TUBA1C: variants seen among roughly 807,000 people sequenced by gnomAD.
TUBA1C encodes the protein tubulin alpha-1C chain.
In TUBA1C, 16 loss-of-function variants were observed where a neutral mutation model predicts 34.9. The ratio of observed to expected loss-of-function variants is 0.46; its 90% CI spans 0.31 to 0.70. The LOEUF (loss-of-function observed/expected upper bound fraction) is 0.70. TUBA1C is among the 30% of genes least tolerant of loss of function. The pLI is 0.05. For missense variants in TUBA1C, 329 were observed against 587.3 expected (o/e 0.56, Z 4.55); for synonymous variants, 177 against 215.9 (o/e 0.82, Z 1.58).
At chr12:49,260,489 C>A (rs1219759041), upstream of TUBA1C, among the ~76,000 whole-genome samples, 2 of 152,170 alleles carry the variant, frequency 1.3e-5, no homozygotes, top group Non-Finnish European at 1.5e-5. Context: ...TAAGCCCTGC[C>A]AAAGGGGAAG....
intron 1 of TUBA1C, among the ~76,000 whole-genome samples, chr12:49,266,473 C>T (rs1372206168): frequency 6.6e-6 from 1 of 151,978 alleles, no homozygotes; most frequent in Non-Finnish European, 1.5e-5. Flanking sequence ...ACTAGTACCA[C>T]GTGTTCTTAG....
chr12:49,248,438 G>A (rs141784936), intron 1 of TUBA1C, among the ~76,000 whole-genome samples: 2,304 of 144,978 alleles, frequency 0.016, 52 homozygotes, highest in African/African-American at 0.055. Context: ...GCGCGGTGGC[G>A]GCGCCTATAG....
upstream of TUBA1C, among the ~76,000 whole-genome samples, chr12:49,262,091 T>C (rs1240124884): frequency 2.0e-5 from 3 of 152,060 alleles, no homozygotes; most frequent in African/African-American, 7.2e-5. Flanking sequence ...ATTCAAAACC[T>C]GGACCCTGAG....
chr12:49,273,214 G>A lies in TUBA1C; in HGVS notation c.1337G>A (p.Gly446Asp), dbSNP rs1021425840. The stretch of plus-strand genomic sequence containing the variant: ...GATAGTGCTGACGGAGAGGATGAGG[G>A]TGAAGAGTATTAACCTGTGTGCTGT... ...GADSADGEDE[G>D]EEY Residue 446 changes from glycine (G) to aspartate (D), a missense_variant, in exon 4 of 4, where the codon GGT becomes GAT. Around this residue, in one of 4 missense-constraint regions of TUBA1C, gnomAD observed 34 missense variants for 31.8 expected, o/e 1.07. Transcript: ENST00000301072. 1 of 1,614,086 alleles carries A rather than the reference G, an allele frequency of 6.2e-7. No homozygotes were observed. The highest frequency in any genetic ancestry group is 8.5e-7 in the Non-Finnish European group (1 of 1,180,050).
intron 1 of TUBA1C, among the ~76,000 whole-genome samples, chr12:49,234,554 C>A (rs1436722582): frequency 1.3e-5 from 2 of 152,208 alleles, no homozygotes; most frequent in African/African-American, 4.8e-5. Context: ...CTCCCACCCG[C>A]GTGGCGCCGC....
intron 1 of TUBA1C, among the ~76,000 whole-genome samples, chr12:49,255,157 G>A (rs547878370): frequency 2.0e-5 from 3 of 151,848 alleles, no homozygotes; most frequent in Non-Finnish European, 4.4e-5. Context: ...ATACAACTAC[G>A]GACCTTGCCA....
At chr12:49,235,649 T>C (rs1473144353) in intron 1 of TUBA1C, among the ~76,000 whole-genome samples, 2 of 151,596 alleles carry the variant, frequency 1.3e-5, no homozygotes, top group Non-Finnish European at 2.9e-5. Flanking sequence ...GCAGAATTGC[T>C]TGAACCTGGC....
chr12:49,230,471 T>C (rs1409127498), intron 1 of TUBA1C, among the ~76,000 whole-genome samples: 1 of 152,142 alleles, frequency 6.6e-6, no homozygotes, highest in African/African-American at 2.4e-5. Context: ...GCATTTACCT[T>C]TTTCTTGAGC....
At chr12:49,270,506 T>C (rs1942976738) in intron 3 of TUBA1C, among the ~76,000 whole-genome samples, 1 of 152,208 alleles carries the variant, frequency 6.6e-6, no homozygotes, top group Non-Finnish European at 1.5e-5. Context: ...TGTAAGTAAT[T>C]AACCAGAGAT....
intron 1 of TUBA1C, among the ~76,000 whole-genome samples, chr12:49,267,621 CAGAG>C (rs1270837890): frequency 6.6e-6 from 1 of 152,158 alleles, no homozygotes; most frequent in Admixed American, 6.5e-5. Context: ...GCCTGGGCGA[CAGAG>C]CGAGACTTTT....
intron 1 of TUBA1C, among the ~76,000 whole-genome samples, chr12:49,238,809 A>G (rs1387215189): frequency 6.6e-6 from 1 of 152,034 alleles, no homozygotes; most frequent in Non-Finnish European, 1.5e-5. Flanking sequence ...ACAACCAGAT[A>G]GAGAGATGCA....
At chr12:49,262,432 CAAA>C (rs781394639), upstream of TUBA1C, among the ~76,000 whole-genome samples, 2 of 100,270 alleles carry the variant, frequency 2.0e-5, no homozygotes, top group Non-Finnish European at 2.0e-5. Flanking sequence ...AGTTTTATAG[CAAA>C]AAAAAAAAAA....
At chr12:49,235,659 CAGGCGAAAGTTACAGTTCGCCTGGG>C (rs1189817938) in intron 1 of TUBA1C, among the ~76,000 whole-genome samples, 21 of 149,926 alleles carry the variant, frequency 1.4e-4, no homozygotes, top group Middle Eastern at 3.4e-3. Context: ...TTGAACCTGG[CAGGCGAAAGTTACAGTTCGCCTGGG>C]AGGCGAAAGT....
intron 1 of TUBA1C, among the ~76,000 whole-genome samples, chr12:49,253,806 AT>A (rs1007141810): frequency 1.1e-4 from 16 of 152,120 alleles, no homozygotes; most frequent in African/African-American, 3.9e-4. Flanking sequence ...CTATAATTTT[AT>A]TTGAACAGTA....
intron 1 of TUBA1C, among the ~76,000 whole-genome samples, chr12:49,245,551 T>C (rs1167287170): frequency 2.0e-5 from 3 of 152,286 alleles, no homozygotes; most frequent in East Asian, 1.9e-4. Flanking sequence ...TGAAGCTGAA[T>C]TGAGCTCTGA....
intron 1 of TUBA1C, among the ~76,000 whole-genome samples, chr12:49,234,370 T>G (rs766205730): frequency 1.3e-5 from 2 of 152,268 alleles, no homozygotes; most frequent in Non-Finnish European, 2.9e-5. Flanking sequence ...TCCACCCTGT[T>G]TAGCTGTGGC....
chr12:49,263,946 C>A (rs1389039955), upstream of TUBA1C, among the ~76,000 whole-genome samples: 1 of 151,976 alleles, frequency 6.6e-6, no homozygotes, highest in Non-Finnish European at 1.5e-5. Context: ...CTCGGCCAGG[C>A]GCGGTGGCTC....
chr12:49,239,106 G>A (rs575909494), intron 1 of TUBA1C, among the ~76,000 whole-genome samples: 270 of 152,162 alleles, frequency 1.8e-3, no homozygotes, highest in Non-Finnish European at 3.1e-3. Context: ...CCTGATTTTC[G>A]CCTCATTAAT....
At chr12:49,256,818 G>C (rs1275590713) in intron 1 of TUBA1C, among the ~76,000 whole-genome samples, 3 of 152,062 alleles carry the variant, frequency 2.0e-5, no homozygotes. Flanking sequence ...TTGATGATTT[G>C]GGGAAATAAA....
Sources: allele counts gnomAD v4.1 joint callset (sites outside exome capture counted in the v4.1 genomes callset), GRCh38; gene constraint gnomAD v4.1.1; regional missense constraint gnomAD v4.1.1; transcripts MANE v1.5; gene names NCBI Gene and HGNC (gene_info 2026-07-23, HGNC 2026-07-21).